Variants in PLCH2 observed in about 807,000 individuals in gnomAD.
PLCH2 encodes the protein phospholipase C eta 2.
In PLCH2, 98 loss-of-function variants were observed where a neutral mutation model predicts 134.7. The observed-to-expected ratio is 0.73, with a 90% CI of 0.62 to 0.86. PLCH2 has a LOEUF of 0.86. Among genes scored for constraint, PLCH2 ranks in the 40% least tolerant of loss-of-function variants. The probability of loss-of-function intolerance (pLI) is 0.00; values close to 1 mark genes in which losing one functional copy is unlikely to be tolerated. For synonymous variants in PLCH2, 974 were observed against 827.5 expected (o/e 1.18, Z -3.04); for missense variants, 1,994 against 1,986.6 (o/e 1.00, Z -0.07).
At chr1:2,418,295 C>A in the PLCH2 span, among the ~76,000 whole-genome samples, 1 of 152,348 alleles carries the variant, frequency 6.6e-6, no homozygotes. Flanking sequence ...TTCCTCTGGG[C>A]GCCTTCAGTT....
At chr1:2,416,988 G>T in the PLCH2 span, among the ~76,000 whole-genome samples, 1 of 152,136 alleles carries the variant, frequency 6.6e-6, no homozygotes, top group African/African-American at 2.4e-5. Flanking sequence ...GCTAGGACAG[G>T]AAAGAGAAAT....
rs779235876 is a variant in PLCH2 at position 2,499,248 on chromosome 1, C to T, written c.2581+18C>T. 1.4e-5 allele frequency: 23 copies of T among 1,611,532 alleles called. No individual in the cohort carries two copies. The highest frequency in any genetic ancestry group is 6.7e-5 in the East Asian group (3 of 44,872). On this transcript the variant is annotated intron_variant, in intron 19 of 21. Coordinates refer to ENST00000378486, the MANE Select transcript of PLCH2 (RefSeq NM_014638.4). The stretch of plus-strand genomic sequence containing the variant: ...GATGCCAGGTGGGCAGGAGTGGACA[C>T]GGTGCCCCCCACACTGGCCGAGGGC...
At chr1:2,451,840 T>C (rs1359944185) in intron 2 of PLCH2, among the ~76,000 whole-genome samples, 1 of 148,878 alleles carries the variant, frequency 6.7e-6, no homozygotes, top group Non-Finnish European at 1.5e-5. Context: ...GGGCGGTGGG[T>C]GGTGGTGGGG....
At chr1:2,479,525 G>T (rs953975151) in intron 2 of PLCH2, 4 of 552,294 alleles carry the variant, frequency 7.2e-6, no homozygotes, top group Non-Finnish European at 1.3e-5. Flanking sequence ...AAAGGGAAAG[G>T]GGGAGGGACA....
At chr1:2,466,071 C>T (rs1173529970), upstream of PLCH2, among the ~76,000 whole-genome samples, 3 of 152,190 alleles carry the variant, frequency 2.0e-5, no homozygotes, top group Non-Finnish European at 4.4e-5. Context: ...GCCTGTTGCT[C>T]CTGGGCCACT....
intron 1 of PLCH2, 72 bp from the exon 2 acceptor site, chr1:2,478,404 C>T (rs990748376): frequency 1.5e-5 from 23 of 1,568,346 alleles, no homozygotes; most frequent in Admixed American, 6.8e-5. Flanking sequence ...GCCGTGCCTC[C>T]GCTGACGGCC....
At chr1:2,433,697 C>T (rs912007988) in intron 2 of PLCH2, among the ~76,000 whole-genome samples, 6 of 152,214 alleles carry the variant, frequency 3.9e-5, no homozygotes, top group Admixed American at 2.6e-4. Context: ...AAGCAAGACT[C>T]ACTCAGAGGA....
chr1:2,437,759 GCA>G (rs1156249422), intron 2 of PLCH2, among the ~76,000 whole-genome samples: 1 of 152,168 alleles, frequency 6.6e-6, no homozygotes, highest in Non-Finnish European at 1.5e-5. Context: ...ACACATACGT[GCA>G]CACACATATG....
At chr1:2,500,098 T>G in intron 20 of PLCH2, 5 of 268,274 alleles carry the variant, frequency 1.9e-5, no homozygotes, top group East Asian at 7.9e-5. Context: ...TCCCCTCTAC[T>G]ACCCCCCACC....
intron 2 of PLCH2, among the ~76,000 whole-genome samples, chr1:2,461,145 G>A (rs1341595556): frequency 6.6e-6 from 1 of 152,232 alleles, no homozygotes; most frequent in Non-Finnish European, 1.5e-5. Context: ...CTGCAATCCT[G>A]CTCACTGGAC....
intron 2 of PLCH2, among the ~76,000 whole-genome samples, chr1:2,457,786 C>T (rs1252119063): frequency 1.3e-5 from 2 of 151,932 alleles, no homozygotes; most frequent in African/African-American, 4.8e-5. Context: ...CCATCCCGGT[C>T]CCAGGAGGCG....
chr1:2,479,509 C>T (rs1641833114), intron 2 of PLCH2: 3 of 518,358 alleles, frequency 5.8e-6, no homozygotes, highest in African/African-American at 1.9e-5. Context: ...GTGTCTTTTC[C>T]ACAGGAAAGG....
rs867790573 is a variant in PLCH2 at position 2,497,582 on chromosome 1, G to A, written c.2197G>A (p.Val733Ile). The A allele has an allele frequency of 1.7e-5, 26 of 1,562,106 alleles. No homozygotes were observed. The highest frequency in any genetic ancestry group is 1.7e-4 in the Middle Eastern group (1 of 5,998). The change falls in exon 16 of 22, where the codon GTA becomes ATA. Residue 733 changes from valine (V) to isoleucine (I), a missense_variant. Around this residue, in one of 2 missense-constraint regions of PLCH2, gnomAD observed 1,094 missense variants for 1,234.3 expected, o/e 0.89. Coordinates refer to ENST00000378486, the MANE Select transcript of PLCH2 (RefSeq NM_014638.4). ...KFSANGGCGY[V>I]LKPGCMCQGV... is the part of the protein sequence containing the mutation. Reference sequence around the variant, plus strand: ...CAGCGCCAACGGTGGCTGCGGCTACGTACTCAAGCCTGGGTGCATGTGCCA... The same window carrying A: ...CAGCGCCAACGGTGGCTGCGGCTACATACTCAAGCCTGGGTGCATGTGCCA...
the PLCH2 span, among the ~76,000 whole-genome samples, chr1:2,418,759 G>T: frequency 2.6e-5 from 4 of 152,154 alleles, no homozygotes; most frequent in African/African-American, 9.7e-5. Context: ...CGTGTGCTCC[G>T]CAGACACCTG....
chr1:2,502,643 GC>G (rs1336922301), intron 21 of PLCH2: 3 of 678,148 alleles, frequency 4.4e-6, no homozygotes, highest in Non-Finnish European at 8.1e-6. Context: ...CTCACTGGGG[GC>G]CCCCTGCTGT....
Position 2,428,489 on chromosome 1 carries a change from G to A in PLCH2, c.-177-1849G>A, listed in dbSNP as rs572526450. On this transcript the variant is annotated intron_variant, in intron 1 of 3. Transcript: ENST00000609981. Reference sequence around the variant, plus strand: ...GCATCTGTCCTGCATGGGGTCCTGCGTCTGGCTCGCCCGGTGCCGTGCTGT... The same window carrying A: ...GCATCTGTCCTGCATGGGGTCCTGCATCTGGCTCGCCCGGTGCCGTGCTGT... Among the ~76,000 whole-genome samples the A allele has an allele frequency of 1.2e-4, 18 of 152,382 alleles. 1 individual carries two copies. Among genetic ancestry groups the A allele is most frequent in the African/African-American group, 3.8e-4 (16 of 41,594 alleles).
At chr1:2,431,026 A>G (rs1639044310) in intron 2 of PLCH2, among the ~76,000 whole-genome samples, 1 of 152,152 alleles carries the variant, frequency 6.6e-6, no homozygotes, top group Admixed American at 6.5e-5. Flanking sequence ...GATGTGGCGG[A>G]CAGCTCTGGG....
intron 2 of PLCH2, among the ~76,000 whole-genome samples, chr1:2,441,037 G>A (rs367753155): frequency 8.5e-5 from 13 of 152,332 alleles, no homozygotes; most frequent in African/African-American, 3.1e-4. Flanking sequence ...GTGCAGATGG[G>A]CATGGTTCAG....
Position 2,505,002 on chromosome 1 carries a change from G to A in PLCH2, c.4040G>A (p.Arg1347His), listed in dbSNP as rs779598277. 21 of 1,546,158 alleles carry A rather than the reference G, an allele frequency of 1.4e-5. No individual in the cohort carries two copies. Among genetic ancestry groups the A allele is most frequent in the South Asian group, 3.5e-5 (3 of 84,532 alleles). ...RSSSRSHSRVRAIASRARQAQ... is the reference protein window; with the variant it reads ...RSSSRSHSRVHAIASRARQAQ... ...TCCTCCCGCAGCCACAGCCGCGTGC[G>A]TGCCATTGCCAGCCGGGCCCGCCAG... The change falls in exon 22 of 22, where the codon CGT becomes CAT. Residue 1347 changes from arginine (R) to histidine (H), a missense_variant. Coordinates refer to ENST00000378486, the MANE Select transcript of PLCH2 (RefSeq NM_014638.4).
Sources: gnomAD v4.1 joint callset for allele counts (sites outside exome capture counted in the v4.1 genomes callset) on GRCh38, gnomAD v4.1.1 for gene constraint, gnomAD v4.1.1 regional missense constraint, MANE v1.5 for transcripts, NCBI Gene and HGNC (gene_info 2026-07-23, HGNC 2026-07-21) for gene names.